The following CNTNAP4 variants were observed in gnomAD, a reference collection of about 807,000 sequenced individuals.
CNTNAP4 encodes contactin associated protein family member 4.
In CNTNAP4, 98 loss-of-function variants were observed where a neutral mutation model predicts 148.4. The observed-to-expected ratio is 0.66, with a 90% CI of 0.56 to 0.78. CNTNAP4 has a LOEUF of 0.78. Ranked by LOEUF, CNTNAP4 falls within the 30% of genes least tolerant of loss-of-function variation. The probability of loss-of-function intolerance (pLI) is 0.00; values close to 1 mark genes in which losing one functional copy is unlikely to be tolerated. For synonymous variants in CNTNAP4, 730 were observed against 565.1 expected (o/e 1.29, Z -4.14); for missense variants, 1,935 against 1,565.6 (o/e 1.24, Z -3.98).
At chr16:76,375,578 C>T (rs1252242342) in intron 3 of CNTNAP4, among the ~76,000 whole-genome samples, 1 of 152,170 alleles carries the variant, frequency 6.6e-6, no homozygotes, top group African/African-American at 2.4e-5. Flanking sequence ...ACCTTTGCTC[C>T]AGGAAAAGTC....
chr16:76,479,461 A>G lies in CNTNAP4; in HGVS notation c.1805A>G (p.Asn602Ser), dbSNP rs1373162980. 3 of 1,611,014 alleles carry G rather than the reference A, an allele frequency of 1.9e-6. No homozygotes were observed. Among genetic ancestry groups the G allele is most frequent in the South Asian group, 2.2e-5 (2 of 90,298 alleles). Residue 602 changes from asparagine (N) to serine (S), a missense_variant, in exon 12 of 24, where the codon AAT becomes AGT. Asn to Ser is a conservative substitution (Grantham distance 46). Transcript: ENST00000611870. ...TGTGAAGCCTATAAGCACAGAGGAAATACTTCAGGGTTTTACTATATAGAT... is the reference window on the plus strand; with the variant it reads ...TGTGAAGCCTATAAGCACAGAGGAAGTACTTCAGGGTTTTACTATATAGAT... ...QSCEAYKHRG[N>S]TSGFYYIDSD...
chr16:76,300,823 G>T (rs1320627332), intron 1 of CNTNAP4, among the ~76,000 whole-genome samples: 2 of 152,094 alleles, frequency 1.3e-5, no homozygotes, highest in Admixed American at 1.3e-4. Flanking sequence ...CGATAAACAT[G>T]AAATCAATTT....
intron 15 of CNTNAP4, among the ~76,000 whole-genome samples, chr16:76,505,192 C>G (rs531687553): frequency 6.1e-4 from 93 of 152,110 alleles, no homozygotes; most frequent in African/African-American, 2.2e-3. Flanking sequence ...TTCCATAGTC[C>G]CCTAAAAATG....
chr16:76,308,578 G>A (rs1960750597), intron 1 of CNTNAP4, among the ~76,000 whole-genome samples: 1 of 152,144 alleles, frequency 6.6e-6, no homozygotes, highest in South Asian at 2.1e-4. Context: ...ACAGTCCCGT[G>A]AAACAGTATG....
Position 76,515,305 on chromosome 16 carries a change from G to T in CNTNAP4, c.2366-5835G>T, listed in dbSNP as rs1266209452. 3.3e-5 allele frequency among the ~76,000 whole-genome samples: 5 copies of T among 152,150 alleles called. 2 individuals carry two copies. Among genetic ancestry groups the T allele is most frequent in the Admixed American group, 3.3e-4 (5 of 15,274 alleles). On this transcript the variant is annotated intron_variant, in intron 15 of 23. Coordinates refer to ENST00000611870, the MANE Select transcript of CNTNAP4 (RefSeq NM_033401.5). ...TTGTTTTCCCAAAATTTATGTTGAA[G>T]CCCTAACCCCAATGTGACTATATTT...
chr16:76,389,570 C>T (rs538193901), intron 3 of CNTNAP4, among the ~76,000 whole-genome samples: 5 of 152,264 alleles, frequency 3.3e-5, no homozygotes, highest in East Asian at 1.9e-4. Flanking sequence ...TCTCATGCCT[C>T]GGCACCTGGA....
intron 15 of CNTNAP4, among the ~76,000 whole-genome samples, chr16:76,499,938 G>C (rs2082561172): frequency 6.6e-6 from 1 of 152,050 alleles, no homozygotes. Flanking sequence ...GAACAAAATG[G>C]AGTCTCCTAT....
intron 3 of CNTNAP4, among the ~76,000 whole-genome samples, chr16:76,415,926 GTT>G (rs1208768586): frequency 1.9e-3 from 106 of 56,264 alleles, no homozygotes; most frequent in Non-Finnish European, 5.6e-3. Context: ...TAGATATACT[GTT>G]TGTTTTTTTT....
chr16:76,497,338 A>G (rs570601040), intron 14 of CNTNAP4, among the ~76,000 whole-genome samples: 13 of 152,338 alleles, frequency 8.5e-5, no homozygotes, highest in Middle Eastern at 3.4e-3. Context: ...ATAATGTCTA[A>G]ATAGACTGTG....
At chr16:76,382,665 G>C (rs1285796088) in intron 3 of CNTNAP4, among the ~76,000 whole-genome samples, 1 of 152,056 alleles carries the variant, frequency 6.6e-6, no homozygotes, top group East Asian at 1.9e-4. Context: ...CTATTTCCTA[G>C]TTTGGTTTAT....
rs2083317417 is a variant in CNTNAP4 at position 76,518,100 on chromosome 16, G to A, written c.2366-3040G>A. Among the ~76,000 whole-genome samples, 6 of 151,754 alleles carry A rather than the reference G, an allele frequency of 4.0e-5. 1 individual carries two copies. The South Asian group carries it at 1.2e-3, about 32-fold the overall frequency. ...TTTCCTTTATTCTGGTAAGATAAAA[G>A]GTAGGGTTTCTAGAAAATTATTATT... On this transcript the variant is annotated intron_variant, in intron 15 of 23. Coordinates refer to ENST00000611870, the MANE Select transcript of CNTNAP4 (RefSeq NM_033401.5).
chr16:76,504,590 A>G (rs1234135564), intron 15 of CNTNAP4, among the ~76,000 whole-genome samples: 1 of 152,108 alleles, frequency 6.6e-6, no homozygotes, highest in Non-Finnish European at 1.5e-5. Context: ...CTAAAAGTAC[A>G]ATTCATAGAA....
chr16:76,501,141 C>G (rs1279653853), intron 15 of CNTNAP4, among the ~76,000 whole-genome samples: 1 of 152,184 alleles, frequency 6.6e-6, no homozygotes, highest in East Asian at 1.9e-4. Context: ...TGTATCACCT[C>G]TACTTCCTGT....
At chr16:76,381,241 C>G (rs1480475946) in intron 3 of CNTNAP4, among the ~76,000 whole-genome samples, 1 of 152,094 alleles carries the variant, frequency 6.6e-6, no homozygotes, top group East Asian at 1.9e-4. Context: ...CTCAGCAGCT[C>G]TTGCAGCTCT....
chr16:76,387,699 C>G (rs528871817), intron 3 of CNTNAP4, among the ~76,000 whole-genome samples: 1 of 152,196 alleles, frequency 6.6e-6, no homozygotes, highest in South Asian at 2.1e-4. Flanking sequence ...GTTTTAAAAA[C>G]CATTGAACAT....
intron 17 of CNTNAP4, among the ~76,000 whole-genome samples, chr16:76,523,898 C>A (rs1363802001): frequency 6.6e-6 from 1 of 152,138 alleles, no homozygotes; most frequent in African/African-American, 2.4e-5. Flanking sequence ...CTACTGCACT[C>A]CATCCTGGGT....
intron 4 of CNTNAP4, among the ~76,000 whole-genome samples, chr16:76,442,362 T>A (rs1347037600): frequency 6.6e-6 from 1 of 152,212 alleles, no homozygotes; most frequent in African/African-American, 2.4e-5. Context: ...AAATTTGTGA[T>A]ATATTAAGAG....
In CNTNAP4 at chr16:76,489,743, C is replaced by G. The variant is rs763105748; in HGVS notation, c.1940C>G (p.Thr647Ser). 6 of 1,604,946 alleles carry G rather than the reference C, an allele frequency of 3.7e-6. No individual in the cohort carries two copies. The highest frequency in any genetic ancestry group is 1.3e-5 in the African/African-American group (1 of 74,800). Reference protein sequence around the residue: ...NGSDLTRVRNTNPENPYAGFF... With the variant: ...NGSDLTRVRNSNPENPYAGFF... The stretch of plus-strand genomic sequence containing the variant: ...TCTGACTTAACAAGAGTCAGAAATA[C>G]TAATCCAGAGAACCCATATGCTGGG... The change falls in exon 13 of 24, where the codon ACT (threonine) becomes AGT (serine). Residue 647 changes from threonine to serine, a missense_variant. Thr to Ser is a moderately conservative substitution (Grantham distance 58). Coordinates refer to ENST00000611870, the MANE Select transcript of CNTNAP4 (RefSeq NM_033401.5).
At chr16:76,450,502 A>G (rs964144831) in intron 7 of CNTNAP4, among the ~76,000 whole-genome samples, 1 of 152,216 alleles carries the variant, frequency 6.6e-6, no homozygotes, top group African/African-American at 2.4e-5. Flanking sequence ...CCAGATGAGC[A>G]TAAAGAGTTT....
Sources: gnomAD v4.1 joint callset for allele counts (sites outside exome capture counted in the v4.1 genomes callset) on GRCh38, gnomAD v4.1.1 for gene constraint, MANE v1.5 for transcripts, NCBI Gene and HGNC (gene_info 2026-07-23, HGNC 2026-07-21) for gene names.